Variants in NR2F2 observed in about 807,000 individuals in gnomAD.
NR2F2 encodes nuclear receptor subfamily 2 group F member 2.
NR2F2 carries 2 observed loss-of-function variants against 34.8 expected under a neutral mutation model. The observed-to-expected ratio is 0.06, with a 90% CI of 0.02 to 0.18. The LOEUF is 0.18. Ranked by LOEUF, NR2F2 falls within the 10% of genes least tolerant of loss-of-function variation. The pLI is 1.00. For missense variants in NR2F2, 300 were observed against 580.1 expected (o/e 0.52, Z 4.96); for synonymous variants, 274 against 251.8 (o/e 1.09, Z -0.84).
chr15:96,331,550 C>T lies in NR2F2; in HGVS notation c.-556C>T, dbSNP rs1386818688. The T allele has an allele frequency of 1.6e-6, 2 of 1,228,430 alleles. No homozygotes were observed. The highest frequency in any genetic ancestry group is 1.6e-5 in the African/African-American group (1 of 63,548). 76.1% of individuals were successfully genotyped at this position (1,228,430 alleles called of 1,614,324 possible). A position where few individuals can be genotyped will look rare whatever the true frequency, so the allele number is the denominator to read the frequency against. ...ACAGTCGCCTCTCCTCCTCCTCTAC[C>T]TCCTCCTTCACCACCACCTCCTCTT... On this transcript the variant is annotated 5_prime_UTR_variant, in exon 1 of 3. Transcript: ENST00000394166.
rs1165407301 is a variant in NR2F2 at position 96,334,531 on chromosome 15, G to A, written c.898G>A (p.Glu300Lys). 1 of 1,613,492 alleles carries A rather than the reference G, an allele frequency of 6.2e-7. No individual in the cohort carries two copies. The highest frequency in any genetic ancestry group is 1.3e-5 in the African/African-American group (1 of 74,934). Residue 300 changes from glutamate (E) to lysine (K), a missense_variant, in exon 2 of 3, where the codon GAG (glutamate) becomes AAG (lysine). Transcript: ENST00000394166. ...CATACGGATCTTCCAAGAGCAAGTG[G>A]AGAAGCTCAAGGCGCTGCACGTTGA... ...DHIRIFQEQV[E>K]KLKALHVDSA...
In NR2F2 at chr15:96,331,653, G is replaced by A. The variant is rs1197938201; in HGVS notation, c.-453G>A. 3.6e-5 allele frequency: 41 copies of A among 1,152,146 alleles called. No individual in the cohort carries two copies. The highest frequency in any genetic ancestry group is 4.4e-5 in the South Asian group (1 of 22,506). 71.4% of individuals were successfully genotyped at this position (1,152,146 alleles called of 1,614,324 possible). ...CTAAGAGCGAGAGTGAACGAGAGAG[G>A]GAGGGAGAGAGTGAGAGCGAGCGAG... On this transcript the variant is annotated 5_prime_UTR_variant, in exon 1 of 3. Transcript: ENST00000394166.
chr15:96,331,644 A>C lies in NR2F2; in HGVS notation c.-462A>C, dbSNP rs1596423797. On this transcript the variant is annotated 5_prime_UTR_variant, in exon 1 of 3. Transcript: ENST00000394166. ...ACACCAGCTCTAAGAGCGAGAGTGA[A>C]CGAGAGAGGGAGGGAGAGAGTGAGA... 2.6e-6 allele frequency: 3 copies of C among 1,165,124 alleles called. No individual in the cohort carries two copies. The highest frequency in any genetic ancestry group is 3.2e-6 in the Non-Finnish European group (3 of 930,656). 72.2% of individuals were successfully genotyped at this position (1,165,124 alleles called of 1,614,324 possible).
chr15:96,334,143 T>C lies in NR2F2; in HGVS notation c.510T>C (p.Asp170=), dbSNP rs762857147. 6.2e-7 allele frequency: 1 copy of C among 1,613,906 alleles called. No individual in the cohort carries two copies. The highest frequency in any genetic ancestry group is 1.1e-5 in the South Asian group (1 of 91,086). The change falls in exon 2 of 3, where the codon GAT becomes GAC. Residue 170 remains aspartate (D), a synonymous_variant. Coordinates refer to ENST00000394166, the MANE Select transcript of NR2F2 (RefSeq NM_021005.4). ...GGCAGTTCGCGCTGACCAACGGGGATCCCCTCAACTGCCACTCGTACCTGT... is the reference window on the plus strand; with the variant it reads ...GGCAGTTCGCGCTGACCAACGGGGACCCCCTCAACTGCCACTCGTACCTGT... The part of the protein sequence containing the change: ...THGQFALTNG[D]PLNCHSYLSG...
chr15:96,331,635 C>G lies in NR2F2; in HGVS notation c.-471C>G. 1.7e-6 allele frequency: 2 copies of G among 1,166,464 alleles called. No homozygotes were observed. The highest frequency in any genetic ancestry group is 2.1e-6 in the Non-Finnish European group (2 of 931,550). 72.3% of individuals were successfully genotyped at this position (1,166,464 alleles called of 1,614,324 possible). A position where few individuals can be genotyped will look rare whatever the true frequency, so the allele number is the denominator to read the frequency against. ...CTCGGCTGCACACCAGCTCTAAGAG[C>G]GAGAGTGAACGAGAGAGGGAGGGAG... On this transcript the variant is annotated 5_prime_UTR_variant, in exon 1 of 3. Coordinates refer to ENST00000394166, the MANE Select transcript of NR2F2 (RefSeq NM_021005.4).
chr15:96,328,317 T>C (rs1181816974), upstream of NR2F2, among the ~76,000 whole-genome samples: 15 of 152,212 alleles, frequency 9.9e-5, no homozygotes, highest in Admixed American at 9.8e-4. Context: ...TCCAAAAATC[T>C]CTAAGTGGAC....
At position 96,331,799 on chromosome 15, in the gene NR2F2, T is replaced by TTCCCC. The variant is rs1184553274; in HGVS notation, c.-297_-293dup. ...TGCTCCCACTCGCTCTCCTGTCCCC[T>TTCCCC]TCCCCTCCCCTCCCGGCGGAAAGCC... On this transcript the variant is annotated 5_prime_UTR_variant, in exon 1 of 3. Transcript: ENST00000394166. The TTCCCC allele has an allele frequency of 3.4e-6, 4 of 1,185,728 alleles. No individual in the cohort carries two copies. In the African/African-American group the frequency reaches 4.8e-5, roughly 14 times the overall value. The allele number at this position is 1,185,728 out of a possible 1,614,324, so 73.5% of individuals were successfully genotyped here.
Position 96,330,758 on chromosome 15 carries a change from T to G in NR2F2, c.-1348T>G. On this transcript the variant is annotated 5_prime_UTR_variant, in exon 1 of 3. Transcript: ENST00000394166. ...AATCGCATTCCCTCCCGCGCCCCCC[T>G]TTTTAGCATATTTGATCACTTTGAT... is the stretch of plus-strand genomic sequence containing the variant. 1 of 807,744 alleles carries G rather than the reference T, an allele frequency of 1.2e-6. No homozygotes were observed. The highest frequency in any genetic ancestry group is 1.5e-6 in the Non-Finnish European group (1 of 647,522). 50.0% of individuals were successfully genotyped at this position (807,744 alleles called of 1,614,324 possible).
rs879158049 is a variant in NR2F2 at position 96,333,454 on chromosome 15, CCT to C, written c.443-615_443-614del. 2.6e-4 allele frequency: 262 copies of C among 1,003,100 alleles called. 1 individual carries two copies. The highest frequency in any genetic ancestry group is 2.1e-3 in the Middle Eastern group (4 of 1,924). 62.1% of individuals were successfully genotyped at this position (1,003,100 alleles called of 1,614,324 possible). A position where few individuals can be genotyped will look rare whatever the true frequency, so the allele number is the denominator to read the frequency against. On this transcript the variant is annotated intron_variant, in intron 1 of 2. Coordinates refer to ENST00000394166, the MANE Select transcript of NR2F2 (RefSeq NM_021005.4). ...GCCTGCTCCCTGCCTCTCCCGGCTT[CCT>C]CTCTCTTTAGCCGGCCTCTCTCTCT...
At chr15:96,327,192 A>AAG, upstream of NR2F2, 1 of 152,098 alleles carries the variant, frequency 6.6e-6, no homozygotes, top group East Asian at 1.9e-4. Flanking sequence ...AAAAAAAAAA[A>AAG]AATCACCTCT....
rs1899122592 is a variant in NR2F2 at position 96,331,049 on chromosome 15, G to GGCGGCAGCAGCAGCAGCA, written c.-1051_-1034dup. ...TCTTTCCCTATGTGTGTGAGGCGGCGGCGGCAGCAGCAGCAGCAGCGGCTC... is the reference window on the plus strand; with the variant it reads ...TCTTTCCCTATGTGTGTGAGGCGGCGGCGGCAGCAGCAGCAGCAGCGGCAGCAGCAGCAGCAGCGGCTC... On this transcript the variant is annotated 5_prime_UTR_variant, in exon 1 of 3. Transcript: ENST00000394166. 1.0e-5 allele frequency: 13 copies of GGCGGCAGCAGCAGCAGCA among 1,242,632 alleles called. No homozygotes were observed. The highest frequency in any genetic ancestry group is 4.2e-5 in the Admixed American group (1 of 23,728). The allele number at this position is 1,242,632 out of a possible 1,614,324, so 77.0% of individuals were successfully genotyped here.
In NR2F2 at chr15:96,337,080, C is replaced by T. The variant is rs564431066; in HGVS notation, c.971-268C>T. Among the ~76,000 whole-genome samples the T allele has an allele frequency of 2.2e-4, 33 of 152,278 alleles. No individual in the cohort carries two copies. The South Asian group carries it at 6.8e-3, about 32-fold the overall frequency. On this transcript the variant is annotated intron_variant, in intron 2 of 2. Coordinates refer to ENST00000394166, the MANE Select transcript of NR2F2 (RefSeq NM_021005.4). ...GGCTAAGGACTCGGGCAGTGAAAGCCTGTAGCACACTGAGCTATGTTTTAT... is the reference window on the plus strand; with the variant it reads ...GGCTAAGGACTCGGGCAGTGAAAGCTTGTAGCACACTGAGCTATGTTTTAT...
At chr15:96,326,416 G>C, upstream of NR2F2, 1 of 1,401,474 alleles carries the variant, frequency 7.1e-7, no homozygotes, top group Non-Finnish European at 1.0e-6. The surrounding 1 kb of genome is among the most constrained non-coding windows in gnomAD (Gnocchi z 5.5). Context: ...CTTGTGCTGT[G>C]TGGGGTTGGG....
At position 96,331,555 on chromosome 15, in the gene NR2F2, C is replaced by T. The variant is rs1436860648; in HGVS notation, c.-551C>T. 8.1e-7 allele frequency: 1 copy of T among 1,227,372 alleles called. No individual in the cohort carries two copies. Among genetic ancestry groups the T allele is most frequent in the Non-Finnish European group, 1.0e-6 (1 of 986,324 alleles). The allele number at this position is 1,227,372 out of a possible 1,614,324, so 76.0% of individuals were successfully genotyped here. On this transcript the variant is annotated 5_prime_UTR_variant, in exon 1 of 3. Transcript: ENST00000394166. ...CGCCTCTCCTCCTCCTCTACCTCCT[C>T]CTTCACCACCACCTCCTCTTCCTCC...
At position 96,331,881 on chromosome 15, in the gene NR2F2, A is replaced by T; in HGVS notation, c.-225A>T. On this transcript the variant is annotated 5_prime_UTR_variant, in exon 1 of 3. Transcript: ENST00000394166. ...ACAAACAAAACAAACACACCGGGCC[A>T]GACAAGCCATCGACAAAACTTTGCA... The T allele has an allele frequency of 8.3e-7, 1 of 1,206,166 alleles. No homozygotes were observed. The highest frequency in any genetic ancestry group is 1.0e-6 in the Non-Finnish European group (1 of 972,016). 74.7% of individuals were successfully genotyped at this position (1,206,166 alleles called of 1,614,324 possible). A position where few individuals can be genotyped will look rare whatever the true frequency, so the allele number is the denominator to read the frequency against.
At position 96,331,002 on chromosome 15, in the gene NR2F2, C is replaced by T. The variant is rs1470120045; in HGVS notation, c.-1104C>T. 7 of 1,221,796 alleles carry T rather than the reference C, an allele frequency of 5.7e-6. No homozygotes were observed. The highest frequency in any genetic ancestry group is 3.2e-5 in the East Asian group (1 of 31,202). 75.7% of individuals were successfully genotyped at this position (1,221,796 alleles called of 1,614,324 possible). A position where few individuals can be genotyped will look rare whatever the true frequency, so the allele number is the denominator to read the frequency against. ...CTCCTCTCTCTCTTTTATCATTTCT[C>T]CCCCGCCGCCGGCGAGTTGACTCTT... On this transcript the variant is annotated 5_prime_UTR_variant, in exon 1 of 3. Coordinates refer to ENST00000394166, the MANE Select transcript of NR2F2 (RefSeq NM_021005.4).
upstream of NR2F2, chr15:96,327,270 T>G (rs1567135622): frequency 6.6e-6 from 1 of 152,106 alleles, no homozygotes; most frequent in Non-Finnish European, 1.5e-5. Context: ...CAGAGCCAAT[T>G]AATTTTAAAT....
Position 96,331,353 on chromosome 15 carries a change from T to C in NR2F2, c.-753T>C. ...CCGACGCGGACCACTTTCATGCTGA[T>C]TCCCCCGGACCCGGGCAGCGCTCCG... On this transcript the variant is annotated 5_prime_UTR_variant, in exon 1 of 3. Transcript: ENST00000394166. The C allele has an allele frequency of 8.2e-7, 1 of 1,214,072 alleles. No individual in the cohort carries two copies. The highest frequency in any genetic ancestry group is 1.0e-6 in the Non-Finnish European group (1 of 976,794). 75.2% of individuals were successfully genotyped at this position (1,214,072 alleles called of 1,614,324 possible).
At chr15:96,326,245 G>A, upstream of NR2F2, 2 of 1,281,242 alleles carry the variant, frequency 1.6e-6, no homozygotes, top group Non-Finnish European at 2.3e-6. This position sits in a 1 kb window ranked among gnomAD's most constrained non-coding sequence, Gnocchi z 5.5. Context: ...ATCTTTTCAG[G>A]GGGCCAACAA....
Sources: gnomAD v4.1 joint callset for allele counts (sites outside exome capture counted in the v4.1 genomes callset) on GRCh38, gnomAD v4.1.1 for gene constraint, Gnocchi (gnomAD v3.1) non-coding constraint, MANE v1.5 for transcripts, NCBI Gene and HGNC (gene_info 2026-07-23, HGNC 2026-07-21) for gene names.